DPP10: variants seen among roughly 807,000 people sequenced by gnomAD.
The protein encoded by DPP10 is inactive dipeptidyl peptidase 10.
In DPP10, 33 loss-of-function variants were observed where a neutral mutation model predicts 120.9. That is an observed-to-expected ratio of 0.27 (90% CI 0.21 to 0.37). The LOEUF (loss-of-function observed/expected upper bound fraction) is 0.37, where lower values mean the gene tolerates loss of function less well. Among genes scored for constraint, DPP10 ranks in the 10% least tolerant of loss-of-function variants. The pLI, the probability that DPP10 is intolerant of heterozygous loss-of-function variation, is 1.00. For synonymous variants in DPP10, 337 were observed against 326.1 expected (o/e 1.03, Z -0.36); for missense variants, 816 against 942.8 (o/e 0.87, Z 1.76).
At chr2:115,394,346 T>C (rs879582806) in intron 3 of DPP10, among the ~76,000 whole-genome samples, 2 of 151,978 alleles carry the variant, frequency 1.3e-5, no homozygotes, top group African/African-American at 4.8e-5. Context: ...AGTAAAAAGA[T>C]TGATAAAGCC....
intron 1 of DPP10, chr2:115,064,746 G>A (rs1231420218): frequency 4.6e-6 from 6 of 1,303,974 alleles, no homozygotes; most frequent in Non-Finnish European, 6.1e-6. Context: ...AGTGGTTATA[G>A]TCCACTTAGC....
At chr2:115,836,094 T>G in intron 21 of DPP10, 63 bp from the exon 22 acceptor site, 1 of 764,328 alleles carries the variant, frequency 1.3e-6, no homozygotes. Flanking sequence ...AATTTGTGTG[T>G]GTGTATGTGT....
At chr2:115,486,499 T>C (rs2075787644) in intron 3 of DPP10, among the ~76,000 whole-genome samples, 1 of 152,158 alleles carries the variant, frequency 6.6e-6, no homozygotes. Flanking sequence ...TCAATCTTTA[T>C]ATTTACTTTA....
chr2:115,094,113 C>A (rs1025033135), intron 1 of DPP10, among the ~76,000 whole-genome samples: 2 of 151,856 alleles, frequency 1.3e-5, no homozygotes, highest in African/African-American at 4.8e-5. Context: ...ATGTGAGTGA[C>A]GGAGTTCAAG....
intron 3 of DPP10, among the ~76,000 whole-genome samples, chr2:115,396,127 G>T (rs1457369478): frequency 6.6e-6 from 1 of 152,084 alleles, no homozygotes; most frequent in Non-Finnish European, 1.5e-5. Flanking sequence ...TCACATTCCA[G>T]GCATGAGGAT....
intron 4 of DPP10, among the ~76,000 whole-genome samples, chr2:115,519,504 A>G (rs887595799): frequency 1.3e-5 from 2 of 152,234 alleles, no homozygotes; most frequent in Non-Finnish European, 2.9e-5. Flanking sequence ...AAGCATGATC[A>G]TAATTAATTA....
chr2:114,453,520 A>G (rs1233921663), intron 1 of DPP10, among the ~76,000 whole-genome samples: 1 of 152,144 alleles, frequency 6.6e-6, no homozygotes, highest in Non-Finnish European at 1.5e-5. Flanking sequence ...TATCACAATT[A>G]TGTCTTCTCT....
intron 1 of DPP10, among the ~76,000 whole-genome samples, chr2:115,160,541 C>G (rs2052231845): frequency 6.6e-6 from 1 of 152,148 alleles, no homozygotes; most frequent in Non-Finnish European, 1.5e-5. Context: ...CCCACTGCCC[C>G]ATATTCTCTG....
At chr2:114,625,657 T>C (rs1161533503) in intron 1 of DPP10, among the ~76,000 whole-genome samples, 2 of 151,962 alleles carry the variant, frequency 1.3e-5, no homozygotes, top group Non-Finnish European at 2.9e-5. Context: ...TCAAAGAGCC[T>C]TTTAAAATAT....
At chr2:115,257,320 T>A (rs2059045774) in intron 1 of DPP10, among the ~76,000 whole-genome samples, 1 of 151,882 alleles carries the variant, frequency 6.6e-6, no homozygotes, top group Non-Finnish European at 1.5e-5. Context: ...ATACCTCAGA[T>A]GGGGCAATTT....
intron 5 of DPP10, among the ~76,000 whole-genome samples, chr2:115,549,652 A>T (rs549078529): frequency 6.6e-6 from 1 of 152,104 alleles, no homozygotes; most frequent in South Asian, 2.1e-4. Flanking sequence ...TAGCCAATGT[A>T]TCTTACTTCC....
At chr2:114,721,885 A>C (rs1033952733) in intron 1 of DPP10, among the ~76,000 whole-genome samples, 1 of 152,194 alleles carries the variant, frequency 6.6e-6, no homozygotes, top group Non-Finnish European at 1.5e-5. Flanking sequence ...GCCACTTCCT[A>C]TCTGGGCGAC....
chr2:114,790,873 G>A (rs546483345), intron 1 of DPP10, among the ~76,000 whole-genome samples: 1 of 152,214 alleles, frequency 6.6e-6, no homozygotes, highest in South Asian at 2.1e-4. Context: ...GGGCGAATAC[G>A]TGCAGGTCAC....
chr2:115,762,652 A>G lies in DPP10; in HGVS notation c.1113+42A>G, dbSNP rs778602145. The G allele has an allele frequency of 1.8e-5, 29 of 1,607,392 alleles. No homozygotes were observed. In the African/African-American group the frequency reaches 3.7e-4, roughly 21 times the overall value. ...CTGTCACATCTTGGCCATTGTGACC[A>G]TCCTGTTCACCCATTTTTTATGTGA... On this transcript the variant is annotated intron_variant, in intron 12 of 25. Transcript: ENST00000410059.
At chr2:115,058,730 AAG>A (rs1248547083) in intron 1 of DPP10, among the ~76,000 whole-genome samples, 48 of 144,586 alleles carry the variant, frequency 3.3e-4, no homozygotes, top group Non-Finnish European at 6.0e-5. Flanking sequence ...GCCTGAAACA[AAG>A]AAAAAGTCAA....
At chr2:114,999,773 T>G (rs544062878) in intron 1 of DPP10, among the ~76,000 whole-genome samples, 1 of 152,294 alleles carries the variant, frequency 6.6e-6, no homozygotes, top group Non-Finnish European at 1.5e-5. Context: ...TGTATAGTTT[T>G]CTACCACCCC....
At chr2:114,858,182 G>T (rs757735179) in intron 1 of DPP10, among the ~76,000 whole-genome samples, 20 of 152,124 alleles carry the variant, frequency 1.3e-4, no homozygotes, top group Non-Finnish European at 2.2e-4. Flanking sequence ...TAGAGGCAGG[G>T]TTTCACCGTG....
intron 1 of DPP10, among the ~76,000 whole-genome samples, chr2:114,566,347 G>T (rs1182052776): frequency 6.6e-6 from 1 of 151,934 alleles, no homozygotes; most frequent in Non-Finnish European, 1.5e-5. Flanking sequence ...AAAAAGAAAT[G>T]ATCACATTTA....
At position 115,126,306 on chromosome 2, in the gene DPP10, C is replaced by T. The variant is rs375167337; in HGVS notation, c.61-182933C>T. ...TTGTATAGACAGGATTTCACCACAT[C>T]GCCCAGCCTGGTCTTGAACCCCTAG... On this transcript the variant is annotated intron_variant, in intron 1 of 25. Transcript: ENST00000410059. Among the ~76,000 whole-genome samples, 83 of 152,074 alleles carry T rather than the reference C, an allele frequency of 5.5e-4. 1 individual carries two copies. Among genetic ancestry groups the T allele is most frequent in the African/African-American group, 1.2e-3 (51 of 41,480 alleles).
Sources: gnomAD v4.1 joint callset for allele counts (sites outside exome capture counted in the v4.1 genomes callset) on GRCh38, gnomAD v4.1.1 for gene constraint, MANE v1.5 for transcripts, NCBI Gene and HGNC (gene_info 2026-07-23, HGNC 2026-07-21) for gene names.